The following LMNTD1 variants were observed in gnomAD, a reference collection of about 807,000 sequenced individuals.
LMNTD1 encodes the protein lamin tail domain-containing protein 1.
In LMNTD1, 35 loss-of-function variants were observed where a neutral mutation model predicts 50.9. The ratio of observed to expected loss-of-function variants is 0.69; its 90% CI spans 0.53 to 0.91. The LOEUF (loss-of-function observed/expected upper bound fraction) is 0.91. Among genes scored for constraint, LMNTD1 ranks in the 40% least tolerant of loss-of-function variants. The pLI is 0.00. For missense variants in LMNTD1, 470 were observed against 475.5 expected (o/e 0.99, Z 0.11); for synonymous variants, 153 against 161.9 (o/e 0.94, Z 0.42).
At chr12:25,610,289 C>T (rs1395088051) in intron 1 of LMNTD1, among the ~76,000 whole-genome samples, 1 of 152,148 alleles carries the variant, frequency 6.6e-6, no homozygotes, top group African/African-American at 2.4e-5. Context: ...GCCCCTTGTG[C>T]TTCCTGGGTG....
At chr12:25,648,025 G>A (rs760929010) in intron 1 of LMNTD1, among the ~76,000 whole-genome samples, 5 of 151,724 alleles carry the variant, frequency 3.3e-5, no homozygotes, top group Non-Finnish European at 7.4e-5. Context: ...GGATTATTTA[G>A]TCAAGATAGA....
chr12:25,585,596 TG>T (rs1379124183), intron 1 of LMNTD1, among the ~76,000 whole-genome samples: 1 of 152,210 alleles, frequency 6.6e-6, no homozygotes, highest in African/African-American at 2.4e-5. Flanking sequence ...GAAATGCAAT[TG>T]GCAAAACCCT....
rs1939946100 is a variant in LMNTD1, at chr12:25,508,012, TG to T, written c.1190-4213del. Among the ~76,000 whole-genome samples the T allele has an allele frequency of 2.0e-5, 3 of 151,906 alleles. No individual in the cohort carries two copies. In the South Asian group the frequency reaches 6.2e-4, roughly 32 times the overall value. On this transcript the variant is annotated intron_variant, in intron 8 of 9. Coordinates refer to ENST00000458174, the MANE Select transcript of LMNTD1 (RefSeq NM_001145728.2). Reference sequence around the variant, plus strand: ...AATATTCATTTTGAGTTCATCAACGTGTTTTTTTTTTTAGATTTTCTTTGTC... The same window carrying T: ...AATATTCATTTTGAGTTCATCAACGTTTTTTTTTTTTAGATTTTCTTTGTC...
At chr12:25,476,501 C>G (rs1356128748) in intron 9 of LMNTD1, 41 bp from the exon 10 acceptor site, 1 of 152,152 alleles carries the variant, frequency 6.6e-6, no homozygotes, top group Non-Finnish European at 1.5e-5. Context: ...TTATTGAGCT[C>G]TATGTGTCAG....
Position 25,584,183 on chromosome 12 carries a change from C to G in LMNTD1, c.59-37629G>C, listed in dbSNP as rs145919279. On this transcript the variant is annotated intron_variant, in intron 1 of 7. Transcript: ENST00000445693. ...GACCTGAGCAATGAGAGGAATTGAG[C>G]TGCCAATTTATATATATCAATAATA... is the stretch of plus-strand genomic sequence containing the variant. Among the ~76,000 whole-genome samples the G allele has an allele frequency of 3.5e-3, 536 of 152,272 alleles. 2 individuals carry two copies. The highest frequency in any genetic ancestry group is 0.012 in the African/African-American group (512 of 41,554).
intron 1 of LMNTD1, among the ~76,000 whole-genome samples, chr12:25,602,614 A>C (rs1471037865): frequency 6.6e-6 from 1 of 152,020 alleles, no homozygotes; most frequent in East Asian, 1.9e-4. Context: ...AAGATCCAGA[A>C]GTTTACTTCC....
intron 9 of LMNTD1, among the ~76,000 whole-genome samples, chr12:25,499,592 A>G (rs1275907494): frequency 6.6e-6 from 1 of 152,140 alleles, no homozygotes; most frequent in Non-Finnish European, 1.5e-5. Flanking sequence ...GGAGGCAGCC[A>G]GTTTACTGAC....
At chr12:25,627,836 G>A (rs1024333843) in intron 1 of LMNTD1, among the ~76,000 whole-genome samples, 7 of 152,050 alleles carry the variant, frequency 4.6e-5, no homozygotes, top group African/African-American at 1.4e-4. Context: ...TGGGCCGGGC[G>A]CGGTGGCTCA....
chr12:25,574,538 T>A (rs1287508152), intron 1 of LMNTD1, among the ~76,000 whole-genome samples: 1 of 152,200 alleles, frequency 6.6e-6, no homozygotes, highest in African/African-American at 2.4e-5. Context: ...ATAATTATTG[T>A]TATTATTAAT....
intron 9 of LMNTD1, among the ~76,000 whole-genome samples, chr12:25,478,836 T>G (rs902778750): frequency 3.3e-5 from 5 of 152,076 alleles, no homozygotes; most frequent in Non-Finnish European, 7.4e-5. Context: ...CTACCCCTTC[T>G]GTATTCCCTT....
At chr12:25,559,729 A>T (rs976314590) in intron 1 of LMNTD1, among the ~76,000 whole-genome samples, 8 of 152,112 alleles carry the variant, frequency 5.3e-5, no homozygotes, top group Non-Finnish European at 1.0e-4. Context: ...CTTTTTAATG[A>T]TCGCCATTCT....
intron 1 of LMNTD1, among the ~76,000 whole-genome samples, chr12:25,629,968 C>T (rs531218650): frequency 3.3e-5 from 5 of 152,148 alleles, no homozygotes; most frequent in African/African-American, 4.8e-5. Flanking sequence ...AATTAGCAAG[C>T]AATTCGTGGA....
At position 25,597,440 on chromosome 12, in the gene LMNTD1, TTCA is replaced by T. The variant is rs370275463; in HGVS notation, c.59-50889_59-50887del. Among the ~76,000 whole-genome samples, 226 of 152,196 alleles carry T rather than the reference TTCA, an allele frequency of 1.5e-3. 1 individual carries two copies. Among genetic ancestry groups the T allele is most frequent in the African/African-American group, 5.3e-3 (219 of 41,560 alleles). On this transcript the variant is annotated intron_variant, in intron 1 of 7. Transcript: ENST00000445693. ...CACTATATAATGATAAAGCTGTCAATTCAGCAAGTGGTTATAACAATTTAAAAT... is the reference window on the plus strand; with the variant it reads ...CACTATATAATGATAAAGCTGTCAATGCAAGTGGTTATAACAATTTAAAAT...
intron 4 of LMNTD1, among the ~76,000 whole-genome samples, chr12:25,533,672 T>G (rs1422251388): frequency 2.0e-5 from 3 of 152,200 alleles, no homozygotes; most frequent in Non-Finnish European, 4.4e-5. Context: ...TTAGAAAGAT[T>G]CAGGGAACTT....
At chr12:25,615,565 G>C (rs1368706447) in intron 1 of LMNTD1, among the ~76,000 whole-genome samples, 3 of 151,860 alleles carry the variant, frequency 2.0e-5, no homozygotes, top group African/African-American at 4.8e-5. Context: ...AGACTGAAGC[G>C]ATCCTCCTGC....
chr12:25,479,699 C>T lies in LMNTD1; in HGVS notation c.*23-3239G>A, dbSNP rs142808608. On this transcript the variant is annotated intron_variant, in intron 9 of 9. Transcript: ENST00000458174. ...ATGAGTCCACAGATGGTAGTCTTGG[C>T]AGAAGTGTTATGTGCAGGATAGGCA... is the stretch of plus-strand genomic sequence containing the variant. Among the ~76,000 whole-genome samples, 107 of 152,294 alleles carry T rather than the reference C, an allele frequency of 7.0e-4. No homozygotes were observed. In the Middle Eastern group the frequency reaches 0.01, roughly 15 times the overall value.
At chr12:25,571,291 G>T (rs1256864346) in intron 1 of LMNTD1, among the ~76,000 whole-genome samples, 1 of 152,102 alleles carries the variant, frequency 6.6e-6, no homozygotes, top group Non-Finnish European at 1.5e-5. Context: ...AATGTGAAAT[G>T]ATTTTTAGCT....
chr12:25,509,886 TAA>T (rs1397435652), intron 8 of LMNTD1, among the ~76,000 whole-genome samples: 1 of 152,342 alleles, frequency 6.6e-6, no homozygotes, highest in East Asian at 1.9e-4. Context: ...GATAATTTTC[TAA>T]AGTCTTCAAA....
intron 1 of LMNTD1, among the ~76,000 whole-genome samples, chr12:25,580,798 T>C (rs1945250034): frequency 6.6e-6 from 1 of 152,200 alleles, no homozygotes; most frequent in South Asian, 2.1e-4. Context: ...TCCTGGACTT[T>C]GAAATCAGAC....
Sources: gnomAD v4.1 joint callset for allele counts (sites outside exome capture counted in the v4.1 genomes callset) on GRCh38, gnomAD v4.1.1 for gene constraint, MANE v1.5 for transcripts, NCBI Gene and HGNC (gene_info 2026-07-23, HGNC 2026-07-21) for gene names.